The following STAT4 variants were observed in gnomAD, a reference collection of about 807,000 sequenced individuals.
STAT4 encodes signal transducer and activator of transcription 4.
In STAT4, 42 loss-of-function variants were observed where a neutral mutation model predicts 110.5. The ratio of observed to expected loss-of-function variants is 0.38; its 90% CI spans 0.30 to 0.49. The LOEUF (loss-of-function observed/expected upper bound fraction) is 0.49, where lower values mean the gene tolerates loss of function less well. STAT4 is among the 20% of genes least tolerant of loss of function. The pLI, the probability that STAT4 is intolerant of heterozygous loss-of-function variation, is 0.95. For missense variants in STAT4, 632 were observed against 887.9 expected, an observed-to-expected ratio of 0.71 and a Z score of 3.66; for synonymous variants, 284 against 302.2, an observed-to-expected ratio of 0.94 and a Z score of 0.63.
At chr2:191,047,384 C>T (rs1696380320) in intron 14 of STAT4, among the ~76,000 whole-genome samples, 1 of 152,170 alleles carries the variant, frequency 6.6e-6, no homozygotes, top group South Asian at 2.1e-4. Context: ...GCTGGTTGGT[C>T]AGAAGTGCAG....
In STAT4 at chr2:191,029,804, T is replaced by C. The variant is rs778533196; in HGVS notation, c.*36A>G. The C allele has an allele frequency of 1.3e-6, 2 of 1,589,682 alleles. No homozygotes were observed. The highest frequency in any genetic ancestry group is 2.7e-5 in the African/African-American group (2 of 73,600). ...AAAGAACAGTCTTTAAACTTTTTCA[T>C]TTGCTTCCTTTCTTGGTGCGTCAGA... On this transcript the variant is annotated 3_prime_UTR_variant, in exon 24 of 24. Transcript: ENST00000392320. The surrounding 1 kb of genome is among the most constrained non-coding windows in gnomAD (Gnocchi z 4.5).
In STAT4 at chr2:191,082,579, T is replaced by C. The variant is rs1033263471; in HGVS notation, c.274-6254A>G. Among the ~76,000 whole-genome samples the C allele has an allele frequency of 3.3e-5, 5 of 152,252 alleles. No individual in the cohort carries two copies. Among genetic ancestry groups the C allele is most frequent in the Admixed American group, 1.3e-4 (2 of 15,278 alleles). ...TTTCAGAGATTTAAAGATGTTAAAA[T>C]GTGGAGAACAGTGTCATAGAATCCA... On this transcript the variant is annotated intron_variant, in intron 3 of 23. Transcript: ENST00000392320. The surrounding 1 kb of genome is among the most constrained non-coding windows in gnomAD (Gnocchi z 4.7).
intron 3 of STAT4, among the ~76,000 whole-genome samples, chr2:191,102,525 C>T (rs1307520688): frequency 1.3e-5 from 2 of 152,156 alleles, no homozygotes; most frequent in African/African-American, 2.4e-5. Context: ...AAGCTCCTCC[C>T]GCTGTGGGCT....
rs1434322976 is a variant in STAT4 at position 191,143,336 on chromosome 2, A to C, written c.273+3277T>G. On this transcript the variant is annotated intron_variant, in intron 3 of 23. Coordinates refer to ENST00000392320, the MANE Select transcript of STAT4 (RefSeq NM_003151.4). The surrounding 1 kb of genome is among the most constrained non-coding windows in gnomAD (Gnocchi z 5.6). ...AAGTACCAGTGTGATTGCCCCTTACACTGCTGAGGAAACTGAGGCCAGAGT... is the reference window on the plus strand; with the variant it reads ...AAGTACCAGTGTGATTGCCCCTTACCCTGCTGAGGAAACTGAGGCCAGAGT... Among the ~76,000 whole-genome samples the C allele has an allele frequency of 6.6e-6, 1 of 152,144 alleles. No homozygotes were observed. Among genetic ancestry groups the C allele is most frequent in the Non-Finnish European group, 1.5e-5 (1 of 68,024 alleles).
intron 14 of STAT4, 44 bp from the exon 15 acceptor site, chr2:191,041,192 C>T: frequency 8.6e-7 from 1 of 1,165,206 alleles, no homozygotes; most frequent in Non-Finnish European, 1.1e-6. Context: ...AATGCATACT[C>T]ACTATCTAAT....
chr2:191,056,145 A>G (rs1295637949), intron 13 of STAT4, among the ~76,000 whole-genome samples: 1 of 152,226 alleles, frequency 6.6e-6, no homozygotes, highest in African/African-American at 2.4e-5. Context: ...TTTAGAAAGT[A>G]GACTTTTATC....
Position 191,042,981 on chromosome 2 carries a change from G to A in STAT4, c.1252-1833C>T, listed in dbSNP as rs528855432. Among the ~76,000 whole-genome samples, 1 of 152,290 alleles carries A rather than the reference G, an allele frequency of 6.6e-6. No individual in the cohort carries two copies. Among genetic ancestry groups the A allele is most frequent in the Admixed American group, 6.5e-5 (1 of 15,292 alleles). On this transcript the variant is annotated intron_variant, in intron 14 of 23. Transcript: ENST00000392320. The surrounding 1 kb of genome is among the most constrained non-coding windows in gnomAD (Gnocchi z 4.2). ...TTTAGTAGAGATGGGGTTTCTCCAT[G>A]TTGGTCAAGCTGGGCTCGAACTCCC...
chr2:191,145,218 A>G (rs1002112974), intron 3 of STAT4, among the ~76,000 whole-genome samples: 8 of 152,228 alleles, frequency 5.3e-5, no homozygotes, highest in Non-Finnish European at 7.3e-5. Flanking sequence ...AAAAGCAATC[A>G]TAAACAATAT....
rs1490121396 is a variant in STAT4, at chr2:191,147,144, C to A, written c.129-387G>T. Among the ~76,000 whole-genome samples the A allele has an allele frequency of 6.6e-6, 1 of 152,156 alleles. No homozygotes were observed. Among genetic ancestry groups the A allele is most frequent in the Non-Finnish European group, 1.5e-5 (1 of 68,008 alleles). Reference sequence around the variant, plus strand: ...ATTGCTATATGACCCAGCAATTCCACATCTGGATATATACCCAAAAGAATT... The same window carrying A: ...ATTGCTATATGACCCAGCAATTCCAAATCTGGATATATACCCAAAAGAATT... On this transcript the variant is annotated intron_variant, in intron 2 of 23. Coordinates refer to ENST00000392320, the MANE Select transcript of STAT4 (RefSeq NM_003151.4). The surrounding 1 kb of genome is among the most constrained non-coding windows in gnomAD (Gnocchi z 4.1).
rs1205460471 is a variant in STAT4 at position 191,036,242 on chromosome 2, T to C, written c.1492A>G (p.Met498Val). Residue 498 changes from methionine (M) to valine (V), a missense_variant, in exon 17 of 24, where the codon ATG becomes GTG. By Grantham distance (21) the Met-to-Val change is conservative. This residue lies in a region of STAT4 where 488 missense variants were observed against 632.8 expected (regional missense o/e 0.77). Transcript: ENST00000392320. Reference protein sequence around the residue: ...PATLSQLLEVMSWQFSSYVGR... With the variant: ...PATLSQLLEVVSWQFSSYVGR... The stretch of plus-strand genomic sequence containing the variant: ...ACGTACGATGAAAACTGCCAGCTCA[T>C]CACCTCCAGTAGTTGACTCAATGTG... The C allele has an allele frequency of 6.2e-7, 1 of 1,614,138 alleles. No individual in the cohort carries two copies. Among genetic ancestry groups the C allele is most frequent in the Non-Finnish European group, 8.5e-7 (1 of 1,180,018 alleles).
rs545724364 is a variant in STAT4, at chr2:191,032,786, C to T, written c.2044+172G>A. The T allele has an allele frequency of 3.4e-5, 22 of 656,462 alleles. No individual in the cohort carries two copies. Among genetic ancestry groups the T allele is most frequent in the Middle Eastern group, 4.3e-4 (1 of 2,342 alleles). The allele number at this position is 656,462 out of a possible 1,614,324, so 40.7% of individuals were successfully genotyped here. On this transcript the variant is annotated intron_variant, in intron 21 of 23. Coordinates refer to ENST00000392320, the MANE Select transcript of STAT4 (RefSeq NM_003151.4). This position sits in a 1 kb window ranked among gnomAD's most constrained non-coding sequence, Gnocchi z 4.9. ...GTTAGAAAGCCCAGCGGTCCCTTTT[C>T]AGGAACTGCTGACATACCACTTCAT...
chr2:191,139,063 T>TA (rs1358087365), intron 3 of STAT4, among the ~76,000 whole-genome samples: 10 of 151,484 alleles, frequency 6.6e-5, no homozygotes, highest in Non-Finnish European at 1.0e-4. Context: ...CCCTTTATGA[T>TA]AAAAAACCCT....
At chr2:191,109,447 G>T (rs1267583639) in intron 3 of STAT4, among the ~76,000 whole-genome samples, 1 of 152,060 alleles carries the variant, frequency 6.6e-6, no homozygotes, top group African/African-American at 2.4e-5. Context: ...TGTTCGGTTT[G>T]TCTATTCCCA....
rs765614384 is a variant in STAT4, at chr2:191,056,320, TAGAA to T, written c.1206+1694_1206+1697del. ...GGGAATCTTAAGAATTATGCAGAAT[TAGAA>T]AGAAGGCAGAAAGAGAACTCTAGGT... On this transcript the variant is annotated intron_variant, in intron 13 of 23. Transcript: ENST00000392320. Among the ~76,000 whole-genome samples the T allele has an allele frequency of 5.9e-5, 9 of 152,242 alleles. No homozygotes were observed. In the East Asian group the frequency reaches 1.7e-3, roughly 29 times the overall value.
chr2:191,052,502 T>C (rs1434639324), intron 14 of STAT4, among the ~76,000 whole-genome samples: 2 of 152,212 alleles, frequency 1.3e-5, no homozygotes, highest in African/African-American at 4.8e-5. Context: ...GTAGACAGTG[T>C]TAATAACACA....
chr2:191,103,246 T>A (rs1487406317), intron 3 of STAT4, among the ~76,000 whole-genome samples: 1 of 152,176 alleles, frequency 6.6e-6, no homozygotes, highest in East Asian at 1.9e-4. Context: ...CCCAGGCATG[T>A]GTCTTTAGGT....
Position 191,033,707 on chromosome 2 carries a change from T to A in STAT4, c.1716-81A>T. The A allele has an allele frequency of 6.4e-7, 1 of 1,550,958 alleles. No individual in the cohort carries two copies. Among genetic ancestry groups the A allele is most frequent in the Non-Finnish European group, 8.7e-7 (1 of 1,149,304 alleles). On this transcript the variant is annotated intron_variant, in intron 19 of 23. Coordinates refer to ENST00000392320, the MANE Select transcript of STAT4 (RefSeq NM_003151.4). The surrounding 1 kb of genome is among the most constrained non-coding windows in gnomAD (Gnocchi z 6.9). ...CATTTACAAAGACCTACAGTTTGTTTTGAGTGTAATCAAAAGTCATTCTTA... is the reference window on the plus strand; with the variant it reads ...CATTTACAAAGACCTACAGTTTGTTATGAGTGTAATCAAAAGTCATTCTTA...
chr2:191,033,675 C>G lies in STAT4; in HGVS notation c.1716-49G>C. The G allele has an allele frequency of 6.3e-7, 1 of 1,591,064 alleles. No individual in the cohort carries two copies. The highest frequency in any genetic ancestry group is 8.5e-7 in the Non-Finnish European group (1 of 1,170,808). On this transcript the variant is annotated intron_variant, in intron 19 of 23. Transcript: ENST00000392320. The surrounding 1 kb of genome is among the most constrained non-coding windows in gnomAD (Gnocchi z 6.9). ...TCATCTGATCATTATTGGATTTTCA[C>G]TTATTGCATTTACAAAGACCTACAG...
At chr2:191,139,981 C>T (rs1699279113) in intron 3 of STAT4, among the ~76,000 whole-genome samples, 1 of 152,084 alleles carries the variant, frequency 6.6e-6, no homozygotes, top group Non-Finnish European at 1.5e-5. Context: ...TTCGACAAAG[C>T]ATGCAAAAAT....
Sources: gnomAD v4.1 joint callset for allele counts (sites outside exome capture counted in the v4.1 genomes callset) on GRCh38, gnomAD v4.1.1 for gene constraint, gnomAD v4.1.1 regional missense constraint, Gnocchi (gnomAD v3.1) non-coding constraint, MANE v1.5 for transcripts, NCBI Gene and HGNC (gene_info 2026-07-23, HGNC 2026-07-21) for gene names.